ZNF727: variants seen among roughly 807,000 people sequenced by gnomAD.
ZNF727 encodes putative zinc finger protein 727.
ZNF727 carries 11 observed loss-of-function variants against 11.5 expected under a neutral mutation model. The ratio of observed to expected loss-of-function variants is 0.95; its 90% CI spans 0.60 to 1.58. The LOEUF (loss-of-function observed/expected upper bound fraction) is 1.58. ZNF727 is among the 40% of genes most tolerant of loss of function. The pLI, the probability that ZNF727 is intolerant of heterozygous loss-of-function variation, is 0.00. For missense variants in ZNF727, 533 were observed against 581.7 expected (o/e 0.92, Z 0.86); for synonymous variants, 171 against 196.1 (o/e 0.87, Z 1.07).
chr7:64,046,585 C>G (rs1584138118), intron 1 of ZNF727, among the ~76,000 whole-genome samples: 1 of 152,170 alleles, frequency 6.6e-6, no homozygotes, highest in Non-Finnish European at 1.5e-5. Flanking sequence ...TCACCTTGCA[C>G]CAGGATTTTA....
intron 1 of ZNF727, among the ~76,000 whole-genome samples, chr7:64,065,310 C>T (rs1562794263): frequency 6.6e-6 from 1 of 152,130 alleles, no homozygotes; most frequent in African/African-American, 2.4e-5. Context: ...CCCATATTCT[C>T]ATTGCTGCAG....
At chr7:64,073,848 A>G (rs187500436) in intron 3 of ZNF727, among the ~76,000 whole-genome samples, 2 of 152,256 alleles carry the variant, frequency 1.3e-5, no homozygotes, top group East Asian at 1.9e-4. Context: ...CAATTCCTCT[A>G]GTATTGTAAC....
chr7:64,068,947 C>T lies in ZNF727; in HGVS notation c.60C>T (p.Cys20=), dbSNP rs1465815793. Residue 20 remains cysteine (C), a synonymous_variant, in exon 2 of 4, where the codon TGC becomes TGT. Coordinates refer to ENST00000456806, the MANE Select transcript of ZNF727 (RefSeq NM_001159522.3). ...AATTCTCCCCAGAAGAGTGGGAATG[C>T]CTGGACTCTGCTCAGCAGCGTTTGT... ...AVEFSPEEWE[C]LDSAQQRLYR... 6.2e-7 allele frequency: 1 copy of T among 1,606,610 alleles called. No individual in the cohort carries two copies. Among genetic ancestry groups the T allele is most frequent in the South Asian group, 1.1e-5 (1 of 90,398 alleles).
At chr7:64,071,101 T>C (rs1789955349) in intron 3 of ZNF727, among the ~76,000 whole-genome samples, 1 of 152,114 alleles carries the variant, frequency 6.6e-6, no homozygotes, top group African/African-American at 2.4e-5. Context: ...AGGTATTTCT[T>C]TGAGATAGTA....
At chr7:64,071,684 T>C (rs1789964249) in intron 3 of ZNF727, among the ~76,000 whole-genome samples, 1 of 152,124 alleles carries the variant, frequency 6.6e-6, no homozygotes, top group Admixed American at 6.6e-5. Context: ...ATATTAAGGT[T>C]TTAAACTATG....
At position 64,077,966 on chromosome 7, in the gene ZNF727, A is replaced by T; in HGVS notation, c.917A>T (p.His306Leu). The T allele has an allele frequency of 6.3e-7, 1 of 1,595,040 alleles. No homozygotes were observed. Among genetic ancestry groups the T allele is most frequent in the Non-Finnish European group, 8.5e-7 (1 of 1,170,152 alleles). ...GACCTTACTAAACATAAGAGAATTC[A>T]TACTGGAGAGAAACCCTACAAATGT... ...CSDLTKHKRI[H>L]TGEKPYKCNE... Residue 306 changes from histidine (H) to leucine (L), a missense_variant, in exon 4 of 4, where the codon CAT (histidine) becomes CTT (leucine). His to Leu is a moderately conservative substitution (Grantham distance 99). This residue lies in a region of ZNF727 where 463 missense variants were observed against 494.5 expected (regional missense o/e 0.94). Coordinates refer to ENST00000456806, the MANE Select transcript of ZNF727 (RefSeq NM_001159522.3).
intron 1 of ZNF727, among the ~76,000 whole-genome samples, chr7:64,048,416 G>C (rs1318821234): frequency 7.2e-5 from 11 of 152,236 alleles, no homozygotes; most frequent in African/African-American, 1.9e-4. Context: ...TCTCATGATG[G>C]TTGCAGAAAA....
intron 1 of ZNF727, among the ~76,000 whole-genome samples, chr7:64,047,419 T>A (rs976420622): frequency 1.3e-5 from 2 of 152,238 alleles, no homozygotes; most frequent in African/African-American, 4.8e-5. Flanking sequence ...AGTAATCACC[T>A]GACGCTCTGC....
Position 64,083,148 on chromosome 7 carries a change from A to C in ZNF727, c.*4599A>C, listed in dbSNP as rs2116342666. 6.6e-6 allele frequency among the ~76,000 whole-genome samples: 1 copy of C among 152,318 alleles called. No homozygotes were observed. Among genetic ancestry groups the C allele is most frequent in the South Asian group, 2.1e-4 (1 of 4,828 alleles). ...AACTGCTTTGCAGTGAGGAGGAATG[A>C]GATTGGGGACCTGCTTTAACAGACA... On this transcript the variant is annotated 3_prime_UTR_variant, in exon 4 of 4. Coordinates refer to ENST00000456806, the MANE Select transcript of ZNF727 (RefSeq NM_001159522.3).
chr7:64,082,778 A>T lies in ZNF727; in HGVS notation c.*4229A>T, dbSNP rs62461177. ...GCACCAGTAGTCTCAGCTAATCGGG[A>T]GGCTGAGGCAGGAGAATTGCTTGAA... On this transcript the variant is annotated 3_prime_UTR_variant, in exon 4 of 4. Transcript: ENST00000456806. 0.13 allele frequency among the ~76,000 whole-genome samples: 19,084 copies of T among 152,126 alleles called. 1,337 individuals are homozygous for T. Among genetic ancestry groups the T allele is most frequent in the African/African-American group, 0.16 (6,716 of 41,486 alleles).
At chr7:64,066,186 C>T (rs1228543344) in intron 1 of ZNF727, among the ~76,000 whole-genome samples, 1 of 151,882 alleles carries the variant, frequency 6.6e-6, no homozygotes, top group African/African-American at 2.4e-5. Context: ...AATTCATGCT[C>T]ATGGATAGGA....
chr7:64,072,497 C>T (rs116565470), intron 3 of ZNF727, among the ~76,000 whole-genome samples: 69 of 152,184 alleles, frequency 4.5e-4, no homozygotes, highest in African/African-American at 1.5e-3. Context: ...TCTCTGGGCA[C>T]CTAGATTGGC....
rs2116330189 is a variant in ZNF727 at position 64,077,834 on chromosome 7, A to G, written c.785A>G (p.His262Arg). The G allele has an allele frequency of 1.3e-6, 2 of 1,565,162 alleles. No homozygotes were observed. The highest frequency in any genetic ancestry group is 8.7e-7 in the Non-Finnish European group (1 of 1,154,640). ...GDRPYKCEEC[H>R]KAFRCCSDLT... ...AGACCCTACAAATGCGAAGAATGTC[A>G]CAAAGCCTTTAGGTGTTGCTCAGAC... The change falls in exon 4 of 4, where the codon CAC (histidine) becomes CGC (arginine). Residue 262 changes from histidine (H) to arginine (R), a missense_variant. By Grantham distance (29) the His-to-Arg change is conservative (BLOSUM62 0). Transcript: ENST00000456806.
Position 64,080,480 on chromosome 7 carries a change from T to G in ZNF727, c.*1931T>G, listed in dbSNP as rs1367164490. 6.6e-6 allele frequency among the ~76,000 whole-genome samples: 1 copy of G among 152,214 alleles called. No homozygotes were observed. ...ATTACATTATAAAGGTTTTGTATTGTGTTTTTCAGTTCTATCATGTTGGCC... is the reference window on the plus strand; with the variant it reads ...ATTACATTATAAAGGTTTTGTATTGGGTTTTTCAGTTCTATCATGTTGGCC... On this transcript the variant is annotated 3_prime_UTR_variant, in exon 4 of 4. Coordinates refer to ENST00000456806, the MANE Select transcript of ZNF727 (RefSeq NM_001159522.3).
chr7:64,076,214 T>C (rs1785654412), intron 3 of ZNF727, among the ~76,000 whole-genome samples: 1 of 152,186 alleles, frequency 6.6e-6, no homozygotes, highest in East Asian at 1.9e-4. Context: ...TAATTATTTA[T>C]GTGTTTGTTT....
At chr7:64,073,374 T>C (rs955918940) in intron 3 of ZNF727, among the ~76,000 whole-genome samples, 6 of 151,842 alleles carry the variant, frequency 4.0e-5, no homozygotes, top group African/African-American at 1.4e-4. Flanking sequence ...TTTTGTTTTC[T>C]GGTCAATTAT....
chr7:64,068,823 T>C, intron 1 of ZNF727, 68 bp from the exon 2 acceptor site: 1 of 1,532,012 alleles, frequency 6.5e-7, no homozygotes, highest in Non-Finnish European at 8.8e-7. Flanking sequence ...CTCTTTACTC[T>C]CATTTTACCT....
intron 1 of ZNF727, 72 bp from the exon 2 acceptor site, chr7:64,068,819 A>T (rs1275858064): frequency 6.6e-7 from 1 of 1,517,180 alleles, no homozygotes; most frequent in Non-Finnish European, 8.9e-7. Flanking sequence ...AGCTCTCTTT[A>T]CTCTCATTTT....
chr7:64,059,213 G>C (rs1028887098), intron 1 of ZNF727, among the ~76,000 whole-genome samples: 29 of 152,168 alleles, frequency 1.9e-4, no homozygotes, highest in African/African-American at 7.0e-4. Context: ...AAAGTGCTGG[G>C]ATTACAGGCA....
Sources: allele counts gnomAD v4.1 joint callset (sites outside exome capture counted in the v4.1 genomes callset), GRCh38; gene constraint gnomAD v4.1.1; regional missense constraint gnomAD v4.1.1; transcripts MANE v1.5; gene names NCBI Gene and HGNC (gene_info 2026-07-23, HGNC 2026-07-21).